Variants in ARHGAP10 observed in about 807,000 individuals in gnomAD.
The protein encoded by ARHGAP10 is Rho GTPase activating protein 10, also known as rho GTPase-activating protein 10.
In ARHGAP10, 87 loss-of-function variants were observed where a neutral mutation model predicts 108.6. The ratio of observed to expected loss-of-function variants is 0.80; its 90% CI spans 0.67 to 0.96. The LOEUF (loss-of-function observed/expected upper bound fraction) is 0.96, where lower values mean the gene tolerates loss of function less well. Among genes scored for constraint, ARHGAP10 ranks in the 40% least tolerant of loss-of-function variants. The pLI, the probability that ARHGAP10 is intolerant of heterozygous loss-of-function variation, is 0.00. For synonymous variants in ARHGAP10, 347 were observed against 341.1 expected (o/e 1.02, Z -0.19); for missense variants, 939 against 954.5 (o/e 0.98, Z 0.21).
In ARHGAP10 at chr4:147,766,823, TA is replaced by T. The variant is rs1729845852; in HGVS notation, c.154+34369del. Among the ~76,000 whole-genome samples, 11 of 13,730 alleles carry T rather than the reference TA, an allele frequency of 8.0e-4. No individual in the cohort carries two copies. The Non-Finnish European group carries it at 0.01, about 13-fold the overall frequency. 9.0% of individuals were successfully genotyped at this position (13,730 alleles called of 152,430 possible). A position where few individuals can be genotyped will look rare whatever the true frequency, so the allele number is the denominator to read the frequency against. On this transcript the variant is annotated intron_variant, in intron 1 of 22. Transcript: ENST00000336498. ...ACATATATATATATATATATATATA[TA>T]TATATATATATATATTTATTTATTT...
intron 11 of ARHGAP10, 119 bp from the exon 12 acceptor site, chr4:147,909,613 A>T: frequency 1.2e-6 from 1 of 834,306 alleles, no homozygotes; most frequent in South Asian, 1.8e-5. Flanking sequence ...ATTCTATCAC[A>T]TTAACCAGAA....
intron 18 of ARHGAP10, among the ~76,000 whole-genome samples, chr4:147,971,634 A>G (rs1739410518): frequency 3.9e-5 from 6 of 152,150 alleles, no homozygotes; most frequent in Admixed American, 3.9e-4. Context: ...GAGAGGAGGT[A>G]CGTGTTCTGG....
At chr4:147,791,105 T>G (rs1731101098) in intron 1 of ARHGAP10, among the ~76,000 whole-genome samples, 1 of 151,316 alleles carries the variant, frequency 6.6e-6, no homozygotes, top group South Asian at 2.1e-4. Context: ...ACTGTACATA[T>G]TCTTTACTTT....
chr4:147,766,633 C>CATACACATATACACACATACATATAT (rs1329864108), intron 1 of ARHGAP10, among the ~76,000 whole-genome samples: 2 of 136,078 alleles, frequency 1.5e-5, no homozygotes, highest in Non-Finnish European at 3.1e-5. Context: ...CATATATATA[C>CATACACATATACACACATACATATAT]GTATATACAC....
At chr4:147,855,442 G>A (rs113793144) in intron 4 of ARHGAP10, among the ~76,000 whole-genome samples, 5,937 of 152,070 alleles carry the variant, frequency 0.039, 161 homozygotes, top group Non-Finnish European at 0.057. Flanking sequence ...ATTGGACTTA[G>A]TTGTAAATTA....
chr4:147,739,708 C>T (rs1439724111), intron 1 of ARHGAP10, among the ~76,000 whole-genome samples: 3 of 151,010 alleles, frequency 2.0e-5, no homozygotes, highest in Admixed American at 6.6e-5. Context: ...TCTGTGACTT[C>T]AATAGCTGTT....
At chr4:147,864,169 C>G (rs1255255701) in intron 5 of ARHGAP10, 4 of 152,300 alleles carry the variant, frequency 2.6e-5, no homozygotes, top group African/African-American at 9.6e-5. Flanking sequence ...TGGAGTCCTG[C>G]TCTTCTCCCA....
chr4:147,808,768 C>T (rs1036154616), intron 1 of ARHGAP10, among the ~76,000 whole-genome samples: 1 of 152,136 alleles, frequency 6.6e-6, no homozygotes, highest in African/African-American at 2.4e-5. Context: ...CTCTGGGCCC[C>T]CTCTGGTTCT....
intron 18 of ARHGAP10, among the ~76,000 whole-genome samples, chr4:148,019,349 G>C (rs940388697): frequency 1.3e-5 from 2 of 152,174 alleles, no homozygotes; most frequent in African/African-American, 4.8e-5. Context: ...CTGTGTGCCA[G>C]GGACTGTACT....
At chr4:147,805,031 A>G (rs944988996) in intron 1 of ARHGAP10, among the ~76,000 whole-genome samples, 1 of 152,134 alleles carries the variant, frequency 6.6e-6, no homozygotes, top group African/African-American at 2.4e-5. Flanking sequence ...TGGCATCTTC[A>G]TCATGAAATC....
At chr4:147,951,457 G>A (rs767988367) in intron 15 of ARHGAP10, among the ~76,000 whole-genome samples, 2 of 150,936 alleles carry the variant, frequency 1.3e-5, no homozygotes, top group Non-Finnish European at 2.9e-5. Context: ...GGGAAAAGGA[G>A]AGGGAGGGGA....
intron 7 of ARHGAP10, among the ~76,000 whole-genome samples, chr4:147,870,623 A>G (rs1286613519): frequency 2.6e-5 from 4 of 152,090 alleles, no homozygotes; most frequent in African/African-American, 7.2e-5. Context: ...AATAAATGGA[A>G]ATCAAGAAAG....
chr4:147,746,445 G>A (rs1728926502), intron 1 of ARHGAP10, among the ~76,000 whole-genome samples: 1 of 149,662 alleles, frequency 6.7e-6, no homozygotes, highest in African/African-American at 2.5e-5. Context: ...TCTTTGCCCA[G>A]GCTGGAATGC....
intron 22 of ARHGAP10, among the ~76,000 whole-genome samples, chr4:148,066,931 G>A (rs937652396): frequency 6.6e-6 from 1 of 152,216 alleles, no homozygotes. Context: ...ACGAGGCTAC[G>A]CTTTGAGCCA....
intron 1 of ARHGAP10, among the ~76,000 whole-genome samples, chr4:147,784,926 ATATG>A (rs1490860289): frequency 8.1e-6 from 1 of 124,102 alleles, no homozygotes; most frequent in African/African-American, 3.1e-5. Context: ...ATTATAAAAT[ATATG>A]TTATAAAATA....
At chr4:148,048,149 G>A (rs1217462335) in intron 20 of ARHGAP10, among the ~76,000 whole-genome samples, 1 of 152,178 alleles carries the variant, frequency 6.6e-6, no homozygotes, top group Non-Finnish European at 1.5e-5. Flanking sequence ...AAAAAATTTT[G>A]TTGAAGCCAA....
rs144207083 is a variant in ARHGAP10, at chr4:147,764,216, C to T, written c.154+31761C>T. On this transcript the variant is annotated intron_variant, in intron 1 of 22. Coordinates refer to ENST00000336498, the MANE Select transcript of ARHGAP10 (RefSeq NM_024605.4). Reference sequence around the variant, plus strand: ...TACAAGGTCTGTTTGGGGTATTGATCGAGCTAATTTTGGTGGGGGAGTAAT... The same window carrying T: ...TACAAGGTCTGTTTGGGGTATTGATTGAGCTAATTTTGGTGGGGGAGTAAT... 2.0e-4 allele frequency among the ~76,000 whole-genome samples: 31 copies of T among 152,146 alleles called. 1 individual carries two copies. The highest frequency in any genetic ancestry group is 6.0e-4 in the African/African-American group (25 of 41,534).
intron 3 of ARHGAP10, among the ~76,000 whole-genome samples, chr4:147,843,515 T>A (rs1483702851): frequency 6.6e-6 from 1 of 151,544 alleles, no homozygotes; most frequent in African/African-American, 2.4e-5. Context: ...GCTGAACTCC[T>A]TTTTTTTCTT....
intron 4 of ARHGAP10, among the ~76,000 whole-genome samples, chr4:147,847,542 C>T (rs945243241): frequency 1.3e-5 from 2 of 152,144 alleles, no homozygotes; most frequent in African/African-American, 4.8e-5. Context: ...TTTCTGTGCG[C>T]ACCTCAGTTT....
Sources: allele counts gnomAD v4.1 joint callset (sites outside exome capture counted in the v4.1 genomes callset), GRCh38; gene constraint gnomAD v4.1.1; transcripts MANE v1.5; gene names NCBI Gene and HGNC (gene_info 2026-07-23, HGNC 2026-07-21).